AGAP1: variants seen among roughly 807,000 people sequenced by gnomAD.
AGAP1 encodes arf-GAP with GTPase, ANK repeat and PH domain-containing protein 1.
AGAP1 carries 29 observed loss-of-function variants against 105.3 expected under a neutral mutation model. The ratio of observed to expected loss-of-function variants is 0.28; its 90% CI spans 0.21 to 0.38. The LOEUF is 0.38. Among genes scored for constraint, AGAP1 ranks in the 10% least tolerant of loss-of-function variants. The pLI, the probability that AGAP1 is intolerant of heterozygous loss-of-function variation, is 1.00. For missense variants in AGAP1, 998 were observed against 1,165.1 expected (o/e 0.86, Z 2.09); for synonymous variants, 509 against 485.9 (o/e 1.05, Z -0.63).
chr2:235,731,248 T>C (rs1951931136), intron 3 of AGAP1, among the ~76,000 whole-genome samples: 3 of 152,314 alleles, frequency 2.0e-5, no homozygotes, highest in East Asian at 1.9e-4. Flanking sequence ...GGGAACCAGA[T>C]TGTATCATTG....
intron 13 of AGAP1, among the ~76,000 whole-genome samples, chr2:235,972,341 G>A (rs2125365135): frequency 6.6e-6 from 1 of 152,294 alleles, no homozygotes; most frequent in South Asian, 2.1e-4. Context: ...ATTGAAGTAA[G>A]CAAATTTATC....
chr2:235,848,730 A>G (rs1961810774), intron 9 of AGAP1, among the ~76,000 whole-genome samples: 1 of 152,226 alleles, frequency 6.6e-6, no homozygotes, highest in Non-Finnish European at 1.5e-5. Flanking sequence ...TTTAACAGAA[A>G]GATCAGGTGA....
rs1394893843 is a variant in AGAP1, at chr2:235,714,429, GATAGTA to G, written c.223-3126_223-3121del. 6.6e-6 allele frequency among the ~76,000 whole-genome samples: 1 copy of G among 152,004 alleles called. No individual in the cohort carries two copies. The highest frequency in any genetic ancestry group is 2.4e-5 in the African/African-American group (1 of 41,386). On this transcript the variant is annotated intron_variant, in intron 2 of 17. Coordinates refer to ENST00000304032, the MANE Select transcript of AGAP1 (RefSeq NM_001037131.3). The surrounding 1 kb of genome is among the most constrained non-coding windows in gnomAD (Gnocchi z 4.1). ...TGTCAGAGGAGGTGACATCTGAACT[GATAGTA>G]AGAGTAGGTTTCGGGGAATGATTGA...
rs988015957 is a variant in AGAP1 at position 235,872,225 on chromosome 2, A to G, written c.1051-11120A>G. Among the ~76,000 whole-genome samples, 4 of 152,322 alleles carry G rather than the reference A, an allele frequency of 2.6e-5. No individual in the cohort carries two copies. The highest frequency in any genetic ancestry group is 1.3e-4 in the Admixed American group (2 of 15,306). On this transcript the variant is annotated intron_variant, in intron 9 of 17. Coordinates refer to ENST00000304032, the MANE Select transcript of AGAP1 (RefSeq NM_001037131.3). The surrounding 1 kb of genome is among the most constrained non-coding windows in gnomAD (Gnocchi z 4.5). The stretch of plus-strand genomic sequence containing the variant: ...GTTGCAAGGCACTTAGAGCAGCAGC[A>G]TCTGGTTCAGAGTGAGCCCAATATT...
rs1347142298 is a variant in AGAP1, at chr2:236,012,877, G to A, written c.1646-23684G>A. On this transcript the variant is annotated intron_variant, in intron 13 of 17. Coordinates refer to ENST00000304032, the MANE Select transcript of AGAP1 (RefSeq NM_001037131.3). The surrounding 1 kb of genome is among the most constrained non-coding windows in gnomAD (Gnocchi z 4.9). ...CACTGCAACCTCCGCCTCCAGAGTA[G>A]CTGGGATTATAGGCGTGCCCCACCA... is the stretch of plus-strand genomic sequence containing the variant. 1.3e-5 allele frequency among the ~76,000 whole-genome samples: 2 copies of A among 152,098 alleles called. No individual in the cohort carries two copies. Among genetic ancestry groups the A allele is most frequent in the Non-Finnish European group, 2.9e-5 (2 of 68,014 alleles).
intron 6 of AGAP1, among the ~76,000 whole-genome samples, chr2:235,783,963 T>TGGACGGAC (rs151167254): frequency 1.3e-5 from 2 of 151,722 alleles, no homozygotes; most frequent in Non-Finnish European, 2.9e-5. Context: ...GAAAATGAAA[T>TGGACGGAC]GGACGGACGG....
chr2:235,776,485 C>T (rs1238673358), intron 6 of AGAP1, among the ~76,000 whole-genome samples: 1 of 152,210 alleles, frequency 6.6e-6, no homozygotes, highest in Non-Finnish European at 1.5e-5. Context: ...CCTTTGATGC[C>T]TCCCTAGCAC....
rs1258960044 is a variant in AGAP1, at chr2:235,883,379, A to C, written c.1085A>C (p.Asn362Thr). 1 of 1,613,990 alleles carries C rather than the reference A, an allele frequency of 6.2e-7. No homozygotes were observed. The highest frequency in any genetic ancestry group is 8.5e-7 in the Non-Finnish European group (1 of 1,180,034). ...MLLKRSGKSL[N>T]KEWKKKYVTL... The stretch of plus-strand genomic sequence containing the variant: ...TTGAAGCGAAGTGGCAAATCGTTGA[A>C]TAAAGAGTGGAAAAAGAAATATGTC... Residue 362 changes from asparagine to threonine, a missense_variant, in exon 10 of 18, where the codon AAT becomes ACT. By Grantham distance (65) the Asn-to-Thr change is moderately conservative. Around this residue, in one of 3 missense-constraint regions of AGAP1, gnomAD observed 735 missense variants for 833.4 expected, o/e 0.88. Coordinates refer to ENST00000304032, the MANE Select transcript of AGAP1 (RefSeq NM_001037131.3). This position sits in a 1 kb window ranked among gnomAD's most constrained non-coding sequence, Gnocchi z 4.5.
At chr2:235,697,149 G>A (rs370086681) in intron 1 of AGAP1, among the ~76,000 whole-genome samples, 35 of 152,300 alleles carry the variant, frequency 2.3e-4, no homozygotes, top group African/African-American at 8.2e-4. Context: ...TGGAAAGGGT[G>A]TTCTTACTAA....
intron 1 of AGAP1, among the ~76,000 whole-genome samples, chr2:235,496,816 C>G (rs188692092): frequency 2.0e-5 from 3 of 151,986 alleles, no homozygotes; most frequent in Admixed American, 2.0e-4. Flanking sequence ...AGCACGATGC[C>G]TACCTTTGCG....
chr2:235,498,491 G>A (rs1335081318), intron 1 of AGAP1, among the ~76,000 whole-genome samples: 7 of 152,172 alleles, frequency 4.6e-5, no homozygotes, highest in Non-Finnish European at 7.4e-5. Context: ...GAGCCATCTC[G>A]CCTCCAGTCT....
Position 235,875,218 on chromosome 2 carries a change from A to G in AGAP1, c.1051-8127A>G, listed in dbSNP as rs923245369. On this transcript the variant is annotated intron_variant, in intron 9 of 17. Coordinates refer to ENST00000304032, the MANE Select transcript of AGAP1 (RefSeq NM_001037131.3). The surrounding 1 kb of genome is among the most constrained non-coding windows in gnomAD (Gnocchi z 4.0). ...TGTCCTGTTTCTGTATCTGCCAACCAGAGAGCAACTCCCGTTGTTTGTTTT... is the reference window on the plus strand; with the variant it reads ...TGTCCTGTTTCTGTATCTGCCAACCGGAGAGCAACTCCCGTTGTTTGTTTT... Among the ~76,000 whole-genome samples the G allele has an allele frequency of 3.9e-5, 6 of 152,224 alleles. No individual in the cohort carries two copies.
In AGAP1 at chr2:235,642,060, G is replaced by A. The variant is rs2103279; in HGVS notation, c.164-67119G>A. ...GCTTCTTTACTCAGCATAAAGCCTC[G>A]TAGTAGATTCTCAGGTCCCAGGGGT... On this transcript the variant is annotated intron_variant, in intron 1 of 17. Coordinates refer to ENST00000304032, the MANE Select transcript of AGAP1 (RefSeq NM_001037131.3). The surrounding 1 kb of genome is among the most constrained non-coding windows in gnomAD (Gnocchi z 4.1). Among the ~76,000 whole-genome samples the A allele has an allele frequency of 0.71, 108,419 of 152,142 alleles. 38,723 individuals are homozygous for A. The highest frequency in any genetic ancestry group is 0.8 in the East Asian group (4,143 of 5,162).
intron 1 of AGAP1, among the ~76,000 whole-genome samples, chr2:235,706,665 A>T (rs935146189): frequency 6.6e-6 from 1 of 152,122 alleles, no homozygotes; most frequent in African/African-American, 2.4e-5. Context: ...CAGTATGTTG[A>T]GCTTCAGTTA....
chr2:236,065,130 C>A (rs1248791146), intron 16 of AGAP1, among the ~76,000 whole-genome samples: 1 of 152,238 alleles, frequency 6.6e-6, no homozygotes, highest in Non-Finnish European at 1.5e-5. Context: ...GGAAGGCTTA[C>A]GTGCTGCCTT....
chr2:235,846,479 G>A (rs184553567), intron 9 of AGAP1, among the ~76,000 whole-genome samples: 3 of 148,168 alleles, frequency 2.0e-5, no homozygotes, highest in African/African-American at 4.9e-5. Flanking sequence ...AGCAGGCACC[G>A]TGATGCCTGG....
intron 4 of AGAP1, among the ~76,000 whole-genome samples, chr2:235,743,795 T>C (rs1411974172): frequency 6.6e-6 from 1 of 152,240 alleles, no homozygotes; most frequent in East Asian, 1.9e-4. Context: ...GGTTTTGTTT[T>C]TCAAATTTGC....
At position 235,615,281 on chromosome 2, in the gene AGAP1, C is replaced by T. The variant is rs1224921039; in HGVS notation, c.164-93898C>T. On this transcript the variant is annotated intron_variant, in intron 1 of 17. Coordinates refer to ENST00000304032, the MANE Select transcript of AGAP1 (RefSeq NM_001037131.3). The surrounding 1 kb of genome is among the most constrained non-coding windows in gnomAD (Gnocchi z 5.0). ...GGAGTCAGAACCAGACTTCAAAGGG[C>T]ATGTGACTACAGCATCCATCCTCCC... Among the ~76,000 whole-genome samples the T allele has an allele frequency of 3.3e-5, 5 of 152,168 alleles. No individual in the cohort carries two copies. Among genetic ancestry groups the T allele is most frequent in the African/African-American group, 1.2e-4 (5 of 41,428 alleles).
rs551462838 is a variant in AGAP1 at position 235,859,905 on chromosome 2, C to T, written c.1051-23440C>T. Among the ~76,000 whole-genome samples, 12 of 152,296 alleles carry T rather than the reference C, an allele frequency of 7.9e-5. No individual in the cohort carries two copies. In the East Asian group the frequency reaches 9.7e-4, roughly 12 times the overall value. ...CAACTCAGTTCTTGGCTGTGCGCAG[C>T]GCCTTCCACCAGCAAGCAGAGGTTG... On this transcript the variant is annotated intron_variant, in intron 9 of 17. Coordinates refer to ENST00000304032, the MANE Select transcript of AGAP1 (RefSeq NM_001037131.3).
Sources: allele counts gnomAD v4.1 joint callset (sites outside exome capture counted in the v4.1 genomes callset), GRCh38; gene constraint gnomAD v4.1.1; regional missense constraint gnomAD v4.1.1; non-coding constraint Gnocchi (gnomAD v3.1); transcripts MANE v1.5; gene names NCBI Gene and HGNC (gene_info 2026-07-23, HGNC 2026-07-21).